Variants in NRXN3 observed in about 807,000 individuals in gnomAD.
The protein encoded by NRXN3 is neurexin 3.
In NRXN3, 32 loss-of-function variants were observed where a neutral mutation model predicts 137.6. The ratio of observed to expected loss-of-function variants is 0.23; its 90% confidence interval spans 0.18 to 0.31. NRXN3 has a LOEUF of 0.31. Ranked by LOEUF, NRXN3 falls within the 10% of genes least tolerant of loss-of-function variation. NRXN3 has a pLI of 1.00. For missense variants in NRXN3, 1,574 were observed against 2,062.5 expected (o/e 0.76, Z 4.59); for synonymous variants, 798 against 784.5 (o/e 1.02, Z -0.29).
intron 4 of NRXN3, among the ~76,000 whole-genome samples, chr14:78,499,291 A>T (rs1022478198): frequency 5.9e-5 from 9 of 152,152 alleles, no homozygotes; most frequent in Non-Finnish European, 1.3e-4. Context: ...TTTCTTTCAC[A>T]TGGGTCATTA....
chr14:78,393,306 T>C (rs779505724), intron 4 of NRXN3, among the ~76,000 whole-genome samples: 1 of 152,104 alleles, frequency 6.6e-6, no homozygotes, highest in Non-Finnish European at 1.5e-5. Context: ...TCCTCTATAG[T>C]AACATCTGGA....
intron 4 of NRXN3, among the ~76,000 whole-genome samples, chr14:78,369,723 A>G (rs531652520): frequency 1.3e-5 from 2 of 152,274 alleles, no homozygotes; most frequent in East Asian, 1.9e-4. Flanking sequence ...TCAGTTTATA[A>G]GCCGGTGTAG....
chr14:78,824,627 CATA>C (rs2098961065), intron 10 of NRXN3, among the ~76,000 whole-genome samples: 1 of 152,180 alleles, frequency 6.6e-6, no homozygotes, highest in Admixed American at 6.5e-5. Context: ...CATAGATTAT[CATA>C]ATGAGGGCAC....
At chr14:78,618,082 G>GC (rs1220712902) in intron 4 of NRXN3, among the ~76,000 whole-genome samples, 1 of 151,616 alleles carries the variant, frequency 6.6e-6, no homozygotes, top group Non-Finnish European at 1.5e-5. Context: ...TTTACAGTTA[G>GC]CACCCGAAAA....
chr14:78,837,489 T>C (rs946585796), intron 10 of NRXN3, among the ~76,000 whole-genome samples: 8 of 148,486 alleles, frequency 5.4e-5, no homozygotes, highest in Non-Finnish European at 1.2e-4. Context: ...TTTATTTTTG[T>C]GGGTTTTTTT....
intron 16 of NRXN3, among the ~76,000 whole-genome samples, chr14:79,660,351 GACC>G (rs1052988547): frequency 6.6e-6 from 1 of 152,058 alleles, no homozygotes; most frequent in Non-Finnish European, 1.5e-5. Flanking sequence ...TGCAAATAGA[GACC>G]ACATCTGAGA....
intron 20 of NRXN3, among the ~76,000 whole-genome samples, chr14:79,810,892 C>G (rs562334533): frequency 6.6e-6 from 1 of 152,274 alleles, no homozygotes; most frequent in Non-Finnish European, 1.5e-5. Context: ...TTATAGATAA[C>G]AAGTAAATGT....
chr14:79,859,420 C>T (rs916108332), intron 20 of NRXN3, among the ~76,000 whole-genome samples: 8 of 152,116 alleles, frequency 5.3e-5, no homozygotes, highest in African/African-American at 1.9e-4. Context: ...GAAACCTGGA[C>T]AATTTGGATG....
intron 15 of NRXN3, among the ~76,000 whole-genome samples, chr14:79,270,860 G>A (rs186860644): frequency 1.0e-3 from 157 of 152,128 alleles, no homozygotes; most frequent in Non-Finnish European, 1.8e-3. Context: ...ACCTCACCTC[G>A]TCATCAGTTT....
chr14:79,320,691 A>G (rs2089841295), intron 15 of NRXN3, among the ~76,000 whole-genome samples: 1 of 152,180 alleles, frequency 6.6e-6, no homozygotes, highest in Non-Finnish European at 1.5e-5. Flanking sequence ...GAAACTATTT[A>G]AAAGATTAAA....
intron 11 of NRXN3, among the ~76,000 whole-genome samples, chr14:78,959,218 A>G (rs2099403373): frequency 6.6e-6 from 1 of 151,966 alleles, no homozygotes; most frequent in African/African-American, 2.4e-5. Flanking sequence ...TCCAGTGCCC[A>G]GTAGGCATTA....
chr14:79,355,107 A>G (rs2153400983), intron 15 of NRXN3, among the ~76,000 whole-genome samples: 1 of 152,328 alleles, frequency 6.6e-6, no homozygotes, highest in African/African-American at 2.4e-5. Flanking sequence ...GGTTATTAGC[A>G]AAAAGGAAAA....
intron 15 of NRXN3, among the ~76,000 whole-genome samples, chr14:79,105,538 A>G (rs2052258167): frequency 6.6e-6 from 1 of 152,140 alleles, no homozygotes; most frequent in South Asian, 2.1e-4. Context: ...CCCAATGGGT[A>G]AAGTTGTCTA....
intron 4 of NRXN3, among the ~76,000 whole-genome samples, chr14:78,417,793 G>T (rs2093225319): frequency 6.6e-6 from 1 of 152,246 alleles, no homozygotes; most frequent in African/African-American, 2.4e-5. Context: ...TCTCACTCTT[G>T]TCCCCCAGGC....
chr14:79,365,123 G>A (rs1318675257), intron 15 of NRXN3, among the ~76,000 whole-genome samples: 1 of 152,080 alleles, frequency 6.6e-6, no homozygotes, highest in African/African-American at 2.4e-5. Flanking sequence ...TTCGGGTGGT[G>A]GTGTTTAGTT....
At chr14:78,827,860 A>G (rs771550364) in intron 10 of NRXN3, among the ~76,000 whole-genome samples, 1 of 152,246 alleles carries the variant, frequency 6.6e-6, no homozygotes, top group Non-Finnish European at 1.5e-5. Flanking sequence ...TTCATGGAAC[A>G]GCGTTTTCTT....
intron 16 of NRXN3, among the ~76,000 whole-genome samples, chr14:79,468,345 T>C (rs1168772718): frequency 1.3e-5 from 2 of 152,228 alleles, no homozygotes; most frequent in African/African-American, 4.8e-5. Flanking sequence ...TTCTCATCCA[T>C]AAGTACCCAA....
chr14:79,523,593 G>A (rs1368252446), intron 16 of NRXN3, among the ~76,000 whole-genome samples: 1 of 152,158 alleles, frequency 6.6e-6, no homozygotes, highest in East Asian at 1.9e-4. Flanking sequence ...CACATGCAAA[G>A]CCCTGCTGCC....
chr14:79,496,084 T>A (rs575627347), intron 16 of NRXN3, among the ~76,000 whole-genome samples: 7 of 152,290 alleles, frequency 4.6e-5, no homozygotes, highest in Admixed American at 4.6e-4. Context: ...GGAAATGATG[T>A]TCGTAATCCA....
Sources: allele counts gnomAD v4.1 joint callset (sites outside exome capture counted in the v4.1 genomes callset), GRCh38; gene constraint gnomAD v4.1.1; transcripts MANE v1.5; gene names NCBI Gene and HGNC (gene_info 2026-07-23, HGNC 2026-07-21).